The following AKR1C8 variants were observed in gnomAD, a reference collection of about 807,000 sequenced individuals.
The protein encoded by AKR1C8 is aldo-keto reductase family 1 member C-like protein 1.
the AKR1C8 span, chr10:5,157,693 C>T: frequency 6.3e-5 from 30 of 472,802 alleles, 1 homozygote; most frequent in Non-Finnish European, 9.2e-5. Context: ...CACCACTCCC[C>T]GCTGCAGCTG....
At chr10:5,146,457 G>A in the AKR1C8 span, among the ~76,000 whole-genome samples, 1 of 152,184 alleles carries the variant, frequency 6.6e-6, no homozygotes, top group African/African-American at 2.4e-5. Context: ...AACAGATCAA[G>A]CAATGTATCC....
chr10:5,163,957 G>A, the AKR1C8 span, among the ~76,000 whole-genome samples: 1 of 152,018 alleles, frequency 6.6e-6, no homozygotes, highest in South Asian at 2.1e-4. Flanking sequence ...GTAACCAACA[G>A]GCTTCTAGAA....
At chr10:5,156,429 TGAG>T in the AKR1C8 span, among the ~76,000 whole-genome samples, 1 of 151,444 alleles carries the variant, frequency 6.6e-6, no homozygotes, top group African/African-American at 2.4e-5. Context: ...TAGTCCCTGA[TGAG>T]GAGCCCATTA....
At chr10:5,121,113 G>A in the AKR1C8 span, among the ~76,000 whole-genome samples, 8 of 151,764 alleles carry the variant, frequency 5.3e-5, no homozygotes, top group Non-Finnish European at 7.4e-5. Flanking sequence ...AATCTCTGTC[G>A]GGTGCAAACA....
chr10:5,166,700 G>C, the AKR1C8 span, among the ~76,000 whole-genome samples: 17 of 152,208 alleles, frequency 1.1e-4, no homozygotes, highest in African/African-American at 4.1e-4. Flanking sequence ...AGAAAACCTA[G>C]GCAATAACAT....
the AKR1C8 span, among the ~76,000 whole-genome samples, chr10:5,124,961 T>C: frequency 1.3e-5 from 2 of 151,996 alleles, no homozygotes; most frequent in Non-Finnish European, 2.9e-5. Flanking sequence ...GTATAACTTC[T>C]AATTTACAGA....
At chr10:5,128,233 A>G in the AKR1C8 span, among the ~76,000 whole-genome samples, 3 of 152,186 alleles carry the variant, frequency 2.0e-5, no homozygotes, top group Admixed American at 1.3e-4. Context: ...ACAAATGATG[A>G]AGGAATTTGA....
the AKR1C8 span, among the ~76,000 whole-genome samples, chr10:5,173,417 G>A: frequency 6.6e-6 from 1 of 152,006 alleles, no homozygotes; most frequent in Non-Finnish European, 1.5e-5. Flanking sequence ...AGGAGGAGTG[G>A]GGTTTGGGAC....
chr10:5,145,784 G>A, the AKR1C8 span, among the ~76,000 whole-genome samples: 1 of 152,182 alleles, frequency 6.6e-6, no homozygotes, highest in African/African-American at 2.4e-5. Flanking sequence ...GTGGAAGTCA[G>A]TGTGGCGATT....
the AKR1C8 span, among the ~76,000 whole-genome samples, chr10:5,142,728 GTATAACA>G: frequency 6.6e-6 from 1 of 152,028 alleles, no homozygotes; most frequent in Non-Finnish European, 1.5e-5. Flanking sequence ...CCCAAAACAA[GTATAACA>G]GTAACATCAA....
chr10:5,123,346 G>A, the AKR1C8 span: 3 of 290,364 alleles, frequency 1.0e-5, no homozygotes, highest in Non-Finnish European at 2.1e-5. Flanking sequence ...GCAGCTGGTA[G>A]CACAGAGCAA....
the AKR1C8 span, among the ~76,000 whole-genome samples, chr10:5,141,866 T>G: frequency 0.45 from 68,787 of 151,928 alleles, 16,491 homozygotes; most frequent in East Asian, 0.86. Context: ...AACAAAGCAT[T>G]GGTTTTATCC....
chr10:5,134,804 A>G, the AKR1C8 span, among the ~76,000 whole-genome samples: 2 of 152,188 alleles, frequency 1.3e-5, no homozygotes, highest in Non-Finnish European at 2.9e-5. Flanking sequence ...AAACGGAGAA[A>G]CCATTCCACT....
chr10:5,147,158 G>T, the AKR1C8 span, among the ~76,000 whole-genome samples: 1 of 152,076 alleles, frequency 6.6e-6, no homozygotes, highest in Non-Finnish European at 1.5e-5. Context: ...GCAATAGAAG[G>T]CGAGTAAGGT....
chr10:5,160,941 T>C, the AKR1C8 span: 5 of 468,798 alleles, frequency 1.1e-5, no homozygotes, highest in Non-Finnish European at 1.3e-5. Flanking sequence ...GAATTCTCCT[T>C]TCTGGTGCCT....
At chr10:5,152,783 T>A in the AKR1C8 span, among the ~76,000 whole-genome samples, 5 of 152,188 alleles carry the variant, frequency 3.3e-5, no homozygotes, top group Non-Finnish European at 1.5e-5. Context: ...GAGTCTGCCT[T>A]TCATCAGGTG....
chr10:5,123,828 T>C, the AKR1C8 span: 1 of 1,607,380 alleles, frequency 6.2e-7, no homozygotes. Context: ...CACCTGCAGA[T>C]GACAAAGATA....
At chr10:5,169,039 A>G in the AKR1C8 span, among the ~76,000 whole-genome samples, 1 of 152,038 alleles carries the variant, frequency 6.6e-6, no homozygotes, top group African/African-American at 2.4e-5. Flanking sequence ...TTAAAAGACA[A>G]ATGTATTACT....
the AKR1C8 span, among the ~76,000 whole-genome samples, chr10:5,152,862 C>T: frequency 1.3e-5 from 2 of 151,830 alleles, no homozygotes; most frequent in Admixed American, 6.6e-5. Context: ...GATTTTAATG[C>T]GGGGAGATAT....
Sources: gnomAD v4.1 joint callset for allele counts (sites outside exome capture counted in the v4.1 genomes callset) on GRCh38, gnomAD v4.1.1 for gene constraint, MANE v1.5 for transcripts, NCBI Gene and HGNC (gene_info 2026-07-23, HGNC 2026-07-21) for gene names.